SPIDR: variants seen among roughly 807,000 people sequenced by gnomAD.
The protein encoded by SPIDR is scaffold protein involved in DNA repair.
Under a neutral mutation model 104.6 loss-of-function variants are expected in SPIDR, and 93 were observed. The observed-to-expected ratio is 0.89, with a 90% CI of 0.75 to 1.06. The LOEUF (loss-of-function observed/expected upper bound fraction) is 1.06, where lower values mean the gene tolerates loss of function less well. Among genes scored for constraint, SPIDR ranks in the 50% least tolerant of loss-of-function variants. SPIDR has a pLI of 0.00. For missense variants in SPIDR, 1,154 were observed against 1,111.2 expected (o/e 1.04, Z -0.55); for synonymous variants, 431 against 416.9 (o/e 1.03, Z -0.41).
At chr8:47,467,424 G>A (rs574334807) in intron 8 of SPIDR, among the ~76,000 whole-genome samples, 1 of 152,178 alleles carries the variant, frequency 6.6e-6, no homozygotes, top group East Asian at 1.9e-4. Context: ...GAAAACTTTA[G>A]GCCAATATTT....
At chr8:47,302,601 G>A (rs2035543000) in intron 5 of SPIDR, among the ~76,000 whole-genome samples, 1 of 152,256 alleles carries the variant, frequency 6.6e-6, no homozygotes, top group African/African-American at 2.4e-5. Context: ...CTTTGATGAT[G>A]GTGACGTACA....
rs1554695774 is a variant in SPIDR at position 47,440,388 on chromosome 8, GC to G, written c.945del (p.Met316CysfsTer25). The G allele has an allele frequency of 6.2e-7, 1 of 1,614,236 alleles. No homozygotes were observed. Among genetic ancestry groups the G allele is most frequent in the African/African-American group, 1.3e-5 (1 of 75,078 alleles). On this transcript the variant is annotated frameshift_variant, in exon 8 of 20. Coordinates refer to ENST00000297423, the MANE Select transcript of SPIDR (RefSeq NM_001080394.4). LOFTEE classifies it high-confidence loss of function. ...GCATGAGGAATGTGCCATGCAAGTT[GC>G]CATGTGTGAGCAGTTATTGGGGTCA... The part of the protein sequence containing the change: ...ELHEECAMQV[A>X]MCEQLLGSPA...
chr8:47,503,018 C>A (rs1043866798), intron 8 of SPIDR, among the ~76,000 whole-genome samples: 1 of 152,172 alleles, frequency 6.6e-6, no homozygotes, highest in Non-Finnish European at 1.5e-5. Flanking sequence ...GTTATAATTT[C>A]TCTTCTTTTA....
intron 5 of SPIDR, among the ~76,000 whole-genome samples, chr8:47,353,630 C>A (rs1554623850): frequency 6.6e-6 from 1 of 151,812 alleles, no homozygotes; most frequent in African/African-American, 2.4e-5. Flanking sequence ...TAAATATGTA[C>A]CAAACACTGA....
chr8:47,690,091 G>A (rs1013669644), intron 11 of SPIDR, among the ~76,000 whole-genome samples: 8 of 152,192 alleles, frequency 5.3e-5, no homozygotes, highest in African/African-American at 1.9e-4. Context: ...TAAGAGATAT[G>A]GGCTGACAGA....
At chr8:47,372,363 T>C (rs1176356045) in intron 5 of SPIDR, among the ~76,000 whole-genome samples, 1 of 152,158 alleles carries the variant, frequency 6.6e-6, no homozygotes, top group East Asian at 1.9e-4. Context: ...ACTATCCCTG[T>C]CCTTAAGAAT....
chr8:47,555,123 A>G (rs1055220832), intron 8 of SPIDR, among the ~76,000 whole-genome samples: 7 of 152,236 alleles, frequency 4.6e-5, no homozygotes, highest in African/African-American at 1.4e-4. Context: ...CTGTTTTGCT[A>G]GCCTTCCTCC....
rs34705214 is a variant in SPIDR, at chr8:47,363,199, CTTTTTTTTTTTT to C, written c.526-33164_526-33153del. Among the ~76,000 whole-genome samples the C allele has an allele frequency of 1.8e-3, 144 of 79,718 alleles. 1 individual carries two copies. Among genetic ancestry groups the C allele is most frequent in the Non-Finnish European group, 2.8e-3 (126 of 44,228 alleles). The allele number at this position is 79,718 out of a possible 152,430, so 52.3% of individuals were successfully genotyped here. A position where few individuals can be genotyped will look rare whatever the true frequency, so the allele number is the denominator to read the frequency against. ...TAAAGCTGTTTTTTTCTTTATCTCTCTTTTTTTTTTTTTTTTTTTTTTTTGAGACAGAGTCTT... is the reference window on the plus strand; with the variant it reads ...TAAAGCTGTTTTTTTCTTTATCTCTCTTTTTTTTTTTTGAGACAGAGTCTT... On this transcript the variant is annotated intron_variant, in intron 5 of 19. Coordinates refer to ENST00000297423, the MANE Select transcript of SPIDR (RefSeq NM_001080394.4).
chr8:47,659,059 A>C (rs910217233), intron 10 of SPIDR, among the ~76,000 whole-genome samples: 1 of 151,966 alleles, frequency 6.6e-6, no homozygotes, highest in Non-Finnish European at 1.5e-5. Flanking sequence ...GGAGTTTGAG[A>C]CCAGCCTGGG....
At chr8:47,411,601 G>C (rs982040240) in intron 7 of SPIDR, among the ~76,000 whole-genome samples, 37 of 152,126 alleles carry the variant, frequency 2.4e-4, no homozygotes, top group Admixed American at 2.6e-4. Context: ...CCATTCTGTA[G>C]GTTGCCTGTT....
At chr8:47,572,544 C>T (rs2058644257) in intron 8 of SPIDR, among the ~76,000 whole-genome samples, 1 of 151,938 alleles carries the variant, frequency 6.6e-6, no homozygotes. Flanking sequence ...CACCTGTAGT[C>T]CCAGCTACTC....
Position 47,284,056 on chromosome 8 carries a change from C to T in SPIDR, c.218C>T (p.Thr73Ile). ...TTAACAGCTGAAGAGAAGACGATTACAGAAAAGCACCTTGAATTATGCCCT... is the reference window on the plus strand; with the variant it reads ...TTAACAGCTGAAGAGAAGACGATTATAGAAAAGCACCTTGAATTATGCCCT... ...PSLTAEEKTI[T>I]EKHLELCPRP... The change falls in exon 3 of 20, where the codon ACA becomes ATA. Residue 73 changes from threonine (T) to isoleucine (I), a missense_variant. Physicochemically the swap from Thr to Ile is moderately conservative, Grantham distance 89 (BLOSUM62 -1). Transcript: ENST00000297423. 1 of 1,612,218 alleles carries T rather than the reference C, an allele frequency of 6.2e-7. No homozygotes were observed. Among genetic ancestry groups the T allele is most frequent in the Non-Finnish European group, 8.5e-7 (1 of 1,179,352 alleles).
intron 8 of SPIDR, among the ~76,000 whole-genome samples, chr8:47,535,927 A>C (rs1017175308): frequency 1.3e-5 from 2 of 152,142 alleles, no homozygotes; most frequent in African/African-American, 4.8e-5. Context: ...AATTCCAGAG[A>C]ATCACCAAAA....
chr8:47,626,512 A>C (rs1463354847), intron 10 of SPIDR, among the ~76,000 whole-genome samples: 2 of 152,234 alleles, frequency 1.3e-5, no homozygotes, highest in African/African-American at 2.4e-5. Context: ...TAATATCCAG[A>C]ATCTACAATG....
intron 8 of SPIDR, among the ~76,000 whole-genome samples, chr8:47,510,604 CAA>C (rs1284821687): frequency 6.7e-6 from 1 of 148,330 alleles, no homozygotes; most frequent in Non-Finnish European, 1.5e-5. Context: ...AAAAAAAAAA[CAA>C]AATGTTGTGT....
intron 5 of SPIDR, among the ~76,000 whole-genome samples, chr8:47,313,890 A>G (rs1268590074): frequency 3.3e-5 from 5 of 152,254 alleles, no homozygotes; most frequent in African/African-American, 1.2e-4. Context: ...CAAATAAGAA[A>G]ACATACTTTC....
chr8:47,688,251 T>C (rs2078107362), intron 11 of SPIDR, among the ~76,000 whole-genome samples: 1 of 152,134 alleles, frequency 6.6e-6, no homozygotes, highest in Admixed American at 6.5e-5. Flanking sequence ...GTCTCCCTAG[T>C]AGCTGGGACT....
At chr8:47,537,607 G>A (rs1160860291) in intron 8 of SPIDR, among the ~76,000 whole-genome samples, 1 of 152,188 alleles carries the variant, frequency 6.6e-6, no homozygotes, top group Non-Finnish European at 1.5e-5. Flanking sequence ...TGAAACTTCT[G>A]TATGATACTG....
At chr8:47,289,837 G>A (rs1026798431) in intron 3 of SPIDR, among the ~76,000 whole-genome samples, 4 of 152,076 alleles carry the variant, frequency 2.6e-5, no homozygotes, top group African/African-American at 9.7e-5. Flanking sequence ...GTTCATAATA[G>A]CCCCAAACTA....
Sources: gnomAD v4.1 joint callset for allele counts (sites outside exome capture counted in the v4.1 genomes callset) on GRCh38, gnomAD v4.1.1 for gene constraint, MANE v1.5 for transcripts, NCBI Gene and HGNC (gene_info 2026-07-23, HGNC 2026-07-21) for gene names.